Variants in PARD3 observed in about 807,000 individuals in gnomAD.
PARD3 encodes the protein partitioning defective 3 homolog.
Under a neutral mutation model 155.4 loss-of-function variants are expected in PARD3, and 75 were observed. The observed-to-expected ratio is 0.48, with a 90% CI of 0.40 to 0.58. The LOEUF is 0.58. Among genes scored for constraint, PARD3 ranks in the 20% least tolerant of loss-of-function variants. The pLI, the probability that PARD3 is intolerant of heterozygous loss-of-function variation, is 0.00. For missense variants in PARD3, 1,642 were observed against 1,721.7 expected (o/e 0.95, Z 0.82); for synonymous variants, 576 against 610.5 (o/e 0.94, Z 0.83).
chr10:34,472,925 T>C (rs1012802174), intron 3 of PARD3, among the ~76,000 whole-genome samples: 1 of 152,190 alleles, frequency 6.6e-6, no homozygotes, highest in Non-Finnish European at 1.5e-5. Flanking sequence ...ACACAAACAT[T>C]GTGTTAATGT....
chr10:34,179,561 T>C lies in PARD3; in HGVS notation c.3420-47978A>G, dbSNP rs527357268. On this transcript the variant is annotated intron_variant, in intron 22 of 24. Coordinates refer to ENST00000374788, the MANE Select transcript of PARD3 (RefSeq NM_001184785.2). The stretch of plus-strand genomic sequence containing the variant: ...GCTGTAACAATCCAAGATAAATAAA[T>C]GTCCCTTCGCTAAAAAGAAACTCAG... Among the ~76,000 whole-genome samples the C allele has an allele frequency of 9.2e-5, 14 of 152,294 alleles. No homozygotes were observed. In the South Asian group the frequency reaches 1.9e-3, roughly 20 times the overall value.
intron 2 of PARD3, among the ~76,000 whole-genome samples, chr10:34,693,058 G>A (rs184955685): frequency 6.6e-5 from 10 of 152,234 alleles, no homozygotes; most frequent in East Asian, 5.8e-4. Context: ...CATCCGTGTC[G>A]CGTGAGAAAT....
At chr10:34,628,724 G>A (rs931599517) in intron 2 of PARD3, among the ~76,000 whole-genome samples, 4 of 152,230 alleles carry the variant, frequency 2.6e-5, no homozygotes, top group Admixed American at 6.5e-5. Context: ...GATGGACAGA[G>A]AGGCAGATAC....
chr10:34,290,841 C>A (rs986293725), intron 20 of PARD3, among the ~76,000 whole-genome samples: 2 of 152,194 alleles, frequency 1.3e-5, no homozygotes, highest in African/African-American at 4.8e-5. Context: ...GCCCAATGAG[C>A]TGGCCTCAAG....
chr10:34,443,649 C>G (rs190175473), intron 5 of PARD3, among the ~76,000 whole-genome samples: 2 of 152,164 alleles, frequency 1.3e-5, no homozygotes, highest in Admixed American at 1.3e-4. Context: ...CTGCCTGCCC[C>G]CATGATTCAA....
At chr10:34,485,918 GTTTTTTTTTTT>G (rs66906403) in intron 3 of PARD3, among the ~76,000 whole-genome samples, 2 of 95,790 alleles carry the variant, frequency 2.1e-5, no homozygotes, top group Non-Finnish European at 2.0e-5. Context: ...AACGTTTTGG[GTTTTTTTTTTT>G]TTTTTTTTTT....
chr10:34,378,809 G>A (rs1841522010), intron 9 of PARD3, among the ~76,000 whole-genome samples: 3 of 152,072 alleles, frequency 2.0e-5, no homozygotes, highest in Non-Finnish European at 4.4e-5. Flanking sequence ...ATGCTTAAAG[G>A]TACTAAATTA....
chr10:34,711,612 C>G (rs527876777), intron 1 of PARD3, among the ~76,000 whole-genome samples: 15 of 152,282 alleles, frequency 9.9e-5, no homozygotes, highest in African/African-American at 3.6e-4. Context: ...GATAAGGTCT[C>G]CAAAGGCAGG....
chr10:34,314,517 G>T (rs1471280779), intron 20 of PARD3, among the ~76,000 whole-genome samples: 2 of 152,194 alleles, frequency 1.3e-5, no homozygotes, highest in African/African-American at 4.8e-5. Context: ...ATGCCCAGGG[G>T]CACTAGACAA....
chr10:34,515,828 T>C (rs1449131869), intron 3 of PARD3, among the ~76,000 whole-genome samples: 1 of 152,006 alleles, frequency 6.6e-6, no homozygotes, highest in Non-Finnish European at 1.5e-5. Flanking sequence ...ATTATATATA[T>C]ATTTTATTAA....
intron 2 of PARD3, among the ~76,000 whole-genome samples, chr10:34,552,348 A>C (rs1327017776): frequency 1.3e-5 from 2 of 152,186 alleles, no homozygotes; most frequent in Admixed American, 1.3e-4. Context: ...TGATCCTCCC[A>C]CATCAGCCTC....
chr10:34,551,230 C>T (rs150344025), intron 2 of PARD3, among the ~76,000 whole-genome samples: 77 of 152,220 alleles, frequency 5.1e-4, no homozygotes, highest in African/African-American at 1.5e-3. Flanking sequence ...GCTCATATCC[C>T]GAAGCAGTGC....
intron 11 of PARD3, among the ~76,000 whole-genome samples, chr10:34,374,584 G>A (rs1252059562): frequency 6.6e-6 from 1 of 152,128 alleles, no homozygotes; most frequent in Admixed American, 6.6e-5. Context: ...CGGCGTCTCT[G>A]TATTCAGTCA....
intron 1 of PARD3, among the ~76,000 whole-genome samples, chr10:34,797,730 A>C (rs1842430417): frequency 6.6e-6 from 1 of 152,164 alleles, no homozygotes; most frequent in Non-Finnish European, 1.5e-5. Context: ...TATTTTATCC[A>C]AATTGGCCTT....
At chr10:34,354,725 A>C (rs1318903807) in intron 14 of PARD3, among the ~76,000 whole-genome samples, 2 of 152,164 alleles carry the variant, frequency 1.3e-5, no homozygotes, top group African/African-American at 4.8e-5. Context: ...AAATTACCAG[A>C]AACACTGAGT....
intron 3 of PARD3, among the ~76,000 whole-genome samples, chr10:34,474,692 T>TTCAG: frequency 6.6e-6 from 1 of 152,230 alleles, no homozygotes; most frequent in South Asian, 2.1e-4. Context: ...CAGCCAAGAC[T>TTCAG]TCAGGCTCCT....
intron 21 of PARD3, among the ~76,000 whole-genome samples, chr10:34,275,112 T>C (rs940324038): frequency 6.6e-6 from 1 of 152,206 alleles, no homozygotes; most frequent in African/African-American, 2.4e-5. Flanking sequence ...TTATGACTAA[T>C]CGCCACCAGT....
chr10:34,511,860 C>T (rs973199604), intron 3 of PARD3, among the ~76,000 whole-genome samples: 1 of 152,066 alleles, frequency 6.6e-6, no homozygotes, highest in Non-Finnish European at 1.5e-5. Flanking sequence ...CGAGCCACAG[C>T]GAGTGCAGTC....
intron 22 of PARD3, among the ~76,000 whole-genome samples, chr10:34,193,286 G>T (rs145958709): frequency 5.9e-5 from 9 of 152,182 alleles, no homozygotes; most frequent in Non-Finnish European, 8.8e-5. Context: ...ACCTAGAAAG[G>T]GAGAGATTGT....
Sources: allele counts gnomAD v4.1 joint callset (sites outside exome capture counted in the v4.1 genomes callset), GRCh38; gene constraint gnomAD v4.1.1; transcripts MANE v1.5; gene names NCBI Gene and HGNC (gene_info 2026-07-23, HGNC 2026-07-21).